Variants in NPR1 observed in about 807,000 individuals in gnomAD.
NPR1 encodes atrial natriuretic peptide receptor 1.
In NPR1, 57 loss-of-function variants were observed where a neutral mutation model predicts 116.9. That is an observed-to-expected ratio of 0.49 (90% CI 0.39 to 0.61). The LOEUF (loss-of-function observed/expected upper bound fraction) is 0.61. Among genes scored for constraint, NPR1 ranks in the 20% least tolerant of loss-of-function variants. The pLI, the probability that NPR1 is intolerant of heterozygous loss-of-function variation, is 0.00. For missense variants in NPR1, 1,096 were observed against 1,409.8 expected, an observed-to-expected ratio of 0.78 and a Z score of 3.56; for synonymous variants, 555 against 601.6, an observed-to-expected ratio of 0.92 and a Z score of 1.13.
chr1:153,689,236 C>G lies in NPR1; in HGVS notation c.2613C>G (p.Ala871=), dbSNP rs1670020652. ...GTGGGGAGACGGTGCAGGCCGAAGC[C>G]TTTGACAGTGTTACCATCTACTTCA... ...LKRGETVQAE[A]FDSVTIYFSD... is the part of the protein sequence containing the mutation. Residue 871 remains alanine (A), a synonymous_variant, in exon 17 of 22, where the codon GCC becomes GCG. Transcript: ENST00000368680. This position sits in a 1 kb window ranked among gnomAD's most constrained non-coding sequence, Gnocchi z 5.1. 6.2e-7 allele frequency: 1 copy of G among 1,614,114 alleles called. No individual in the cohort carries two copies. The highest frequency in any genetic ancestry group is 1.3e-5 in the African/African-American group (1 of 74,926).
intron 6 of NPR1, 113 bp from the exon 7 acceptor site, chr1:153,683,627 C>T (rs1669845206): frequency 7.1e-6 from 11 of 1,544,514 alleles, no homozygotes; most frequent in Non-Finnish European, 7.1e-6. Flanking sequence ...ATGACTCCTG[C>T]CTTTTTCTTC....
In NPR1 at chr1:153,690,336, T is replaced by C; in HGVS notation, c.2985T>C (p.Phe995=). 1 of 1,561,298 alleles carries C rather than the reference T, an allele frequency of 6.4e-7. No individual in the cohort carries two copies. Among genetic ancestry groups the C allele is most frequent in the South Asian group, 1.2e-5 (1 of 84,860 alleles). ...TGAAGATGCCCCGTTACTGTCTCTT[T>C]GGGGATACAGTCAACACAGCCTCAA... ...VGLKMPRYCL[F]GDTVNTASRM... Residue 995 remains phenylalanine (F), a synonymous_variant, in exon 20 of 22, where the codon TTT becomes TTC. Transcript: ENST00000368680.
At position 153,685,079 on chromosome 1, in the gene NPR1, A is replaced by G; in HGVS notation, c.1600A>G (p.Ser534Gly). The G allele has an allele frequency of 6.2e-7, 1 of 1,613,790 alleles. No individual in the cohort carries two copies. The highest frequency in any genetic ancestry group is 8.5e-7 in the Non-Finnish European group (1 of 1,179,968). ...LRSAGSRLTL[S>G]GRGSNYGSLL... is the part of the protein sequence containing the mutation. ...GAGTGCAGGCAGCCGGCTGACCCTG[A>G]GCGGGGTAAGAACGCTGGTGTTTGT... Residue 534 changes from serine to glycine, a missense_variant, in exon 8 of 22, where the codon AGC (serine) becomes GGC (glycine). Transcript: ENST00000368680.
At position 153,679,653 on chromosome 1, in the gene NPR1, C is replaced by T. The variant is rs56019647; in HGVS notation, c.545C>T (p.Ala182Val). The T allele has an allele frequency of 1.4e-3, 2,260 of 1,603,636 alleles. 26 individuals carry two copies. The African/African-American group carries it at 0.027, about 19-fold the overall frequency. Reference sequence around the variant, plus strand: ...CGACGGCTGGGCTGGGAGCGCCAAGCGCTCATGCTCTACGCCTACCGGCCG... The same window carrying T: ...CGACGGCTGGGCTGGGAGCGCCAAGTGCTCATGCTCTACGCCTACCGGCCG... Reference protein sequence around the residue: ...LHRRLGWERQALMLYAYRPGD... With the variant: ...LHRRLGWERQVLMLYAYRPGD... Residue 182 changes from alanine to valine, a missense_variant, in exon 1 of 22, where the codon GCG (alanine) becomes GTG (valine). Physicochemically the swap from Ala to Val is moderately conservative, Grantham distance 64 (BLOSUM62 0). Transcript: ENST00000368680. The surrounding 1 kb of genome is among the most constrained non-coding windows in gnomAD (Gnocchi z 4.2).
chr1:153,685,075 C>T lies in NPR1; in HGVS notation c.1596C>T (p.Thr532=), dbSNP rs764191721. ...RHLRSAGSRL[T]LSGRGSNYGS... ...TGCGGAGTGCAGGCAGCCGGCTGAC[C>T]CTGAGCGGGGTAAGAACGCTGGTGT... Residue 532 remains threonine (T), a synonymous_variant, in exon 8 of 22, where the codon ACC becomes ACT. Coordinates refer to ENST00000368680, the MANE Select transcript of NPR1 (RefSeq NM_000906.4). The T allele has an allele frequency of 1.9e-6, 3 of 1,613,944 alleles. No homozygotes were observed. Among genetic ancestry groups the T allele is most frequent in the Admixed American group, 1.7e-5 (1 of 59,996 alleles).
intron 5 of NPR1, 66 bp from the exon 6 acceptor site, chr1:153,683,310 C>T: frequency 1.3e-6 from 2 of 1,554,364 alleles, no homozygotes; most frequent in Non-Finnish European, 1.7e-6. Flanking sequence ...GGAGGTGAGA[C>T]TGCTGCACTC....
In NPR1 at chr1:153,689,111, A is replaced by G; in HGVS notation, c.2564+12A>G. The G allele has an allele frequency of 1.9e-6, 3 of 1,614,076 alleles. No individual in the cohort carries two copies. The highest frequency in any genetic ancestry group is 2.5e-6 in the Non-Finnish European group (3 of 1,179,972). On this transcript the variant is annotated intron_variant, in intron 16 of 21. Transcript: ENST00000368680. The surrounding 1 kb of genome is among the most constrained non-coding windows in gnomAD (Gnocchi z 5.1). The stretch of plus-strand genomic sequence containing the variant: ...CAGATCCTGCCTCAGTGAGTGCCTG[A>G]GTCTGGGGACCCCCCCCAACACAAA...
chr1:153,685,208 C>A (rs1669895950), intron 8 of NPR1, 124 bp downstream of exon 8: 2 of 1,294,696 alleles, frequency 1.5e-6, no homozygotes, highest in Non-Finnish European at 2.1e-6. Context: ...GCTGTGTGAC[C>A]TTGAGCGACT....
chr1:153,680,773 C>T lies in NPR1; in HGVS notation c.921+73C>T, dbSNP rs1669750643. The T allele has an allele frequency of 4.1e-6, 5 of 1,230,092 alleles. No individual in the cohort carries two copies. The African/African-American group carries it at 6.1e-5, about 15-fold the overall frequency. 76.2% of individuals were successfully genotyped at this position (1,230,092 alleles called of 1,614,324 possible). ...CATTTCTGGGCACTGTGTCCCTCAGCGTCTGAAAGAATTCCAGAAAAGAGG... is the reference window on the plus strand; with the variant it reads ...CATTTCTGGGCACTGTGTCCCTCAGTGTCTGAAAGAATTCCAGAAAAGAGG... On this transcript the variant is annotated intron_variant, in intron 2 of 21. Coordinates refer to ENST00000368680, the MANE Select transcript of NPR1 (RefSeq NM_000906.4).
At position 153,688,165 on chromosome 1, in the gene NPR1, C is replaced by T. The variant is rs1669985738; in HGVS notation, c.2361C>T (p.Asp787=). ...TCATGCAGCGGTGCTGGGCTGAGGACCCACAGGAGAGGCCACCATTCCAGC... is the reference window on the plus strand; with the variant it reads ...TCATGCAGCGGTGCTGGGCTGAGGATCCACAGGAGAGGCCACCATTCCAGC... The part of the protein sequence containing the change: ...GLLMQRCWAE[D]PQERPPFQQI... Residue 787 remains aspartate (D), a synonymous_variant, in exon 15 of 22, where the codon GAC becomes GAT. Coordinates refer to ENST00000368680, the MANE Select transcript of NPR1 (RefSeq NM_000906.4). 1 of 1,613,814 alleles carries T rather than the reference C, an allele frequency of 6.2e-7. No homozygotes were observed. Among genetic ancestry groups the T allele is most frequent in the Admixed American group, 1.7e-5 (1 of 59,994 alleles).
chr1:153,687,266 G>A lies in NPR1; in HGVS notation c.2002G>A (p.Val668Ile). The part of the protein sequence containing the change: ...HGNLKSSNCV[V>I]DGRFVLKITD... ...GAACCTCAAGTCATCCAACTGCGTG[G>A]TAGATGGGCGCTTTGTGCTCAAGAT... The change falls in exon 13 of 22, where the codon GTA (valine) becomes ATA (isoleucine). Residue 668 changes from valine (V) to isoleucine (I), a missense_variant. Physicochemically the swap from Val to Ile is conservative, Grantham distance 29. Transcript: ENST00000368680. The A allele has an allele frequency of 6.2e-7, 1 of 1,614,110 alleles. No individual in the cohort carries two copies. The highest frequency in any genetic ancestry group is 8.5e-7 in the Non-Finnish European group (1 of 1,179,998).
Position 153,689,398 on chromosome 1 carries a change from G to A in NPR1, c.2689-55G>A, listed in dbSNP as rs375712559. On this transcript the variant is annotated intron_variant, in intron 17 of 21. Transcript: ENST00000368680. This position sits in a 1 kb window ranked among gnomAD's most constrained non-coding sequence, Gnocchi z 5.1. ...CCTTCTGGTTCTGCTTTACCCACCT[G>A]ACCCCAGGTGGGGTCCCCTACTTCC... 148 of 1,613,552 alleles carry A rather than the reference G, an allele frequency of 9.2e-5. No homozygotes were observed. The African/African-American group carries it at 1.8e-3, about 20-fold the overall frequency.
At chr1:153,693,276 C>T in intron 21 of NPR1, 76 bp from the exon 22 acceptor site, 1 of 1,599,122 alleles carries the variant, frequency 6.3e-7, no homozygotes, top group Non-Finnish European at 8.6e-7. Flanking sequence ...CAATGCCACT[C>T]CCATCCCTAA....
rs780449601 is a variant in NPR1, at chr1:153,687,782, C to T, written c.2241C>T (p.Ser747=). The change falls in exon 14 of 22, where the codon AGC becomes AGT. Residue 747 remains serine (S), a synonymous_variant. Transcript: ENST00000368680. ...TCCACGTGGAAGGTTTGGACCTGAG[C>T]CCCAAAGGTGAGAGGAGCACACCTT... ...GVFHVEGLDL[S]PKEIIERVTR... 3.2e-6 allele frequency: 5 copies of T among 1,584,742 alleles called. No homozygotes were observed. The highest frequency in any genetic ancestry group is 1.7e-5 in the Admixed American group (1 of 57,680).
intron 2 of NPR1, 74 bp downstream of exon 2, chr1:153,680,774 G>T (rs28730725): frequency 8.1e-7 from 1 of 1,227,072 alleles, no homozygotes; most frequent in East Asian, 2.4e-5. Flanking sequence ...GTCCCTCAGC[G>T]TCTGAAAGAA....
rs761171794 is a variant in NPR1 at position 153,682,354 on chromosome 1, C to G, written c.1172-144C>G. The G allele has an allele frequency of 3.5e-4, 228 of 656,420 alleles. 1 individual carries two copies. Among genetic ancestry groups the G allele is most frequent in the Middle Eastern group, 2.4e-3 (9 of 3,812 alleles). 40.7% of individuals were successfully genotyped at this position (656,420 alleles called of 1,614,324 possible). On this transcript the variant is annotated intron_variant, in intron 4 of 21. Transcript: ENST00000368680. The stretch of plus-strand genomic sequence containing the variant: ...GGATTACAAGCATGAGCCACAGTGC[C>G]CGGCCGTTTTACCATTTACTATCAT...
chr1:153,680,315 C>G (rs77994061), intron 1 of NPR1, among the ~76,000 whole-genome samples, 186 bp from the exon 2 acceptor site: 2,767 of 149,828 alleles, frequency 0.018, 80 homozygotes, highest in African/African-American at 0.065. Flanking sequence ...GCCCCGCACC[C>G]GCCCGTTCCA....
intron 20 of NPR1, among the ~76,000 whole-genome samples, chr1:153,690,867 C>T (rs572518654): frequency 2.1e-4 from 31 of 148,006 alleles, no homozygotes; most frequent in African/African-American, 7.0e-4. Context: ...TGCTTGAACC[C>T]GGGAGGCAGA....
chr1:153,687,609 G>A, intron 13 of NPR1, 25 bp from the exon 14 acceptor site: 1 of 1,553,786 alleles, frequency 6.4e-7, no homozygotes. Flanking sequence ...CCCTCACTCG[G>A]TGACTACCGA....
Sources: allele counts gnomAD v4.1 joint callset (sites outside exome capture counted in the v4.1 genomes callset), GRCh38; gene constraint gnomAD v4.1.1; non-coding constraint Gnocchi (gnomAD v3.1); transcripts MANE v1.5; gene names NCBI Gene and HGNC (gene_info 2026-07-23, HGNC 2026-07-21).